The following SETD5 variants were observed in gnomAD, a reference collection of about 807,000 sequenced individuals.
SETD5 encodes SET domain containing 5, also known as histone-lysine N-methyltransferase SETD5.
SETD5 carries 44 observed loss-of-function variants against 153.3 expected under a neutral mutation model. That is an observed-to-expected ratio of 0.29 (90% CI 0.23 to 0.37). The LOEUF (loss-of-function observed/expected upper bound fraction) is 0.37. SETD5 is among the 10% of genes least tolerant of loss of function. The probability of loss-of-function intolerance (pLI) is 1.00; values close to 1 mark genes in which losing one functional copy is unlikely to be tolerated. For missense variants in SETD5, 1,544 were observed against 1,768.0 expected (o/e 0.87, Z 2.27); for synonymous variants, 716 against 645.2 (o/e 1.11, Z -1.66).
chr3:9,453,841 T>G lies in SETD5; in HGVS notation c.2449T>G (p.Ser817Ala), dbSNP rs2042913056. The G allele has an allele frequency of 1.3e-6, 2 of 1,592,180 alleles. No homozygotes were observed. Among genetic ancestry groups the G allele is most frequent in the African/African-American group, 2.7e-5 (2 of 73,546 alleles). Residue 817 changes from serine to alanine, a missense_variant, in exon 17 of 23, where the codon TCT (serine) becomes GCT (alanine). Physicochemically the swap from Ser to Ala is moderately conservative, Grantham distance 99. This residue lies in a region of SETD5 where 782 missense variants were observed against 787.2 expected (regional missense o/e 0.99). Coordinates refer to ENST00000402198, the MANE Select transcript of SETD5 (RefSeq NM_001080517.3). ...HLYQSNENSS[S>A]SSICKDNADL... ...ATACCAAAGCAATGAGAATAGTAGC[T>G]CTTCTAGTATCTGCAAAGACAATGC...
chr3:9,436,041 C>A (rs1474577332), intron 7 of SETD5, 135 bp downstream of exon 7: 1 of 774,644 alleles, frequency 1.3e-6, no homozygotes. Flanking sequence ...TTGCAAAAAT[C>A]AGCTAATCTG....
intron 20 of SETD5, among the ~76,000 whole-genome samples, chr3:9,473,800 C>A (rs919902411): frequency 1.3e-5 from 2 of 152,200 alleles, no homozygotes; most frequent in Admixed American, 6.5e-5. Context: ...TGAGCTCTTT[C>A]ATTTGGTGGG....
intron 1 of SETD5, among the ~76,000 whole-genome samples, chr3:9,423,743 G>A (rs1289653109): frequency 6.6e-6 from 1 of 152,132 alleles, no homozygotes; most frequent in East Asian, 1.9e-4. Context: ...GGAATCCTAT[G>A]AATAGCTCTT....
intron 1 of SETD5, among the ~76,000 whole-genome samples, chr3:9,401,565 T>C (rs567895654): frequency 1.3e-5 from 2 of 152,328 alleles, no homozygotes; most frequent in East Asian, 3.9e-4. Flanking sequence ...TTTTTACCTT[T>C]GAATGGGGAA....
At position 9,429,252 on chromosome 3, in the gene SETD5, A is replaced by C. The variant is rs1383692042; in HGVS notation, c.71+243A>C. The C allele has an allele frequency of 2.5e-5, 7 of 278,846 alleles. No individual in the cohort carries two copies. The East Asian group carries it at 4.9e-4, about 19-fold the overall frequency. The allele number at this position is 278,846 out of a possible 1,614,324, so 17.3% of individuals were successfully genotyped here. ...ATTAATAGAACCAAAGTTGCAAAGT[A>C]GGAATTCATTTTCATTTGTTTTAAT... On this transcript the variant is annotated intron_variant, in intron 3 of 22. Transcript: ENST00000402198.
chr3:9,423,538 T>C (rs1490516645), intron 1 of SETD5, among the ~76,000 whole-genome samples: 3 of 152,242 alleles, frequency 2.0e-5, no homozygotes, highest in Admixed American at 6.5e-5. Context: ...TTCTTTCTTA[T>C]TTGCTATTGC....
intron 2 of SETD5, among the ~76,000 whole-genome samples, chr3:9,425,536 A>G (rs1156283123): frequency 7.1e-6 from 1 of 140,684 alleles, no homozygotes; most frequent in East Asian, 2.1e-4. Flanking sequence ...ATCAACTATC[A>G]TCTTGGGTTT....
chr3:9,432,611 A>G (rs546728559), intron 3 of SETD5, among the ~76,000 whole-genome samples: 1 of 152,154 alleles, frequency 6.6e-6, no homozygotes, highest in Non-Finnish European at 1.5e-5. Flanking sequence ...AAGCCATACA[A>G]ACTTTATATT....
At chr3:9,404,893 G>A (rs2035410607) in intron 1 of SETD5, among the ~76,000 whole-genome samples, 1 of 152,162 alleles carries the variant, frequency 6.6e-6, no homozygotes, top group African/African-American at 2.4e-5. Context: ...TGGAATGGAG[G>A]TGAAACACAA....
chr3:9,426,720 T>G (rs1397638369), intron 2 of SETD5, among the ~76,000 whole-genome samples: 10 of 151,954 alleles, frequency 6.6e-5, no homozygotes, highest in Non-Finnish European at 1.5e-4. Context: ...GTATTTTTAG[T>G]AGAGACAGGA....
intron 18 of SETD5, chr3:9,468,527 C>T (rs1379658376): frequency 7.7e-7 from 1 of 1,304,140 alleles, no homozygotes; most frequent in Non-Finnish European, 1.0e-6. Flanking sequence ...AGAACATATC[C>T]TCCCCTGAGA....
Position 9,470,612 on chromosome 3 carries a change from A to G in SETD5, c.2878A>G (p.Ser960Gly), listed in dbSNP as rs2045194222. Residue 960 changes from serine to glycine, a missense_variant, in exon 19 of 23, where the codon AGC (serine) becomes GGC (glycine). By Grantham distance (56) the Ser-to-Gly change is moderately conservative. This residue lies in a region of SETD5 where 782 missense variants were observed against 787.2 expected (regional missense o/e 0.99). Coordinates refer to ENST00000402198, the MANE Select transcript of SETD5 (RefSeq NM_001080517.3). Reference sequence around the variant, plus strand: ...ACCCACTTCTGAGACTGGTTTCCCAAGCAGAAGTGGAGATGGACATCAGAC... The same window carrying G: ...ACCCACTTCTGAGACTGGTTTCCCAGGCAGAAGTGGAGATGGACATCAGAC... ...LGPTSETGFP[S>G]RSGDGHQTLV... is the part of the protein sequence containing the mutation. 1.1e-5 allele frequency: 18 copies of G among 1,613,980 alleles called. No homozygotes were observed. Among genetic ancestry groups the G allele is most frequent in the East Asian group, 6.7e-5 (3 of 44,874 alleles).
intron 17 of SETD5, among the ~76,000 whole-genome samples, chr3:9,455,253 C>T (rs2043103637): frequency 6.8e-6 from 1 of 146,396 alleles, no homozygotes; most frequent in Non-Finnish European, 1.5e-5. Context: ...TTACAGGCGC[C>T]CGCCACCTCA....
chr3:9,431,622 AT>A lies in SETD5; in HGVS notation c.72-2221del, dbSNP rs544220861. The A allele has an allele frequency of 1.7e-3, 1,688 of 985,646 alleles. 3 individuals are homozygous for A. The highest frequency in any genetic ancestry group is 2.0e-3 in the Non-Finnish European group (1,621 of 829,726). 61.1% of individuals were successfully genotyped at this position (985,646 alleles called of 1,614,324 possible). ...TTATATTTGGCATGCACAGCAATAT[AT>A]TAAATGCTGTGCTTAACTAGAAAGT... is the stretch of plus-strand genomic sequence containing the variant. On this transcript the variant is annotated intron_variant, in intron 3 of 22. Transcript: ENST00000402198.
chr3:9,445,916 A>G (rs1233212322), intron 13 of SETD5, among the ~76,000 whole-genome samples, 176 bp downstream of exon 13: 2 of 145,814 alleles, frequency 1.4e-5, no homozygotes, highest in African/African-American at 2.6e-5. Context: ...TTCTCTATAC[A>G]CACAGTAGTT....
chr3:9,421,480 T>TA (rs1382237149), intron 1 of SETD5, among the ~76,000 whole-genome samples: 1 of 152,040 alleles, frequency 6.6e-6, no homozygotes, highest in African/African-American at 2.4e-5. Flanking sequence ...TCTCCTAAGG[T>TA]AAAAGGCTGT....
intron 10 of SETD5, 52 bp from the exon 11 acceptor site, chr3:9,443,256 C>T (rs1369571445): frequency 1.2e-5 from 16 of 1,313,014 alleles, no homozygotes; most frequent in East Asian, 2.5e-5. Flanking sequence ...TTCTCTCTTA[C>T]GGAAAGTTCA....
chr3:9,431,652 G>C, intron 3 of SETD5: 3 of 985,644 alleles, frequency 3.0e-6, no homozygotes, highest in Non-Finnish European at 3.6e-6. Context: ...AGAAAGTATT[G>C]TGCAGTGTGA....
Position 9,434,356 on chromosome 3 carries a change from T to C in SETD5, c.200T>C (p.Leu67Pro). 6.2e-7 allele frequency: 1 copy of C among 1,613,898 alleles called. No individual in the cohort carries two copies. ...CAGACGATCATCCCTCGTTCTGACC[T>C]GAATGGCCTGCCGTCGCCTGTAGAG... ...PYATIIPRSD[L>P]NGLPSPVEER... Residue 67 changes from leucine (L) to proline (P), a missense_variant, in exon 5 of 23, where the codon CTG (leucine) becomes CCG (proline). By Grantham distance (98) the Leu-to-Pro change is moderately conservative (BLOSUM62 -3). Around this residue, in one of 9 missense-constraint regions of SETD5, gnomAD observed 251 missense variants for 326.9 expected, o/e 0.77. Coordinates refer to ENST00000402198, the MANE Select transcript of SETD5 (RefSeq NM_001080517.3). This position sits in a 1 kb window ranked among gnomAD's most constrained non-coding sequence, Gnocchi z 5.6.
Sources: allele counts gnomAD v4.1 joint callset (sites outside exome capture counted in the v4.1 genomes callset), GRCh38; gene constraint gnomAD v4.1.1; regional missense constraint gnomAD v4.1.1; non-coding constraint Gnocchi (gnomAD v3.1); transcripts MANE v1.5; gene names NCBI Gene and HGNC (gene_info 2026-07-23, HGNC 2026-07-21).